The following RPTN variants were observed in gnomAD, a reference collection of about 807,000 sequenced individuals.
RPTN encodes the protein repetin.
A neutral mutation model predicts 3.6 loss-of-function variants in RPTN; 4 were observed. That is an observed-to-expected ratio of 1.12 (90% CI 0.55 to 2.55). The LOEUF is 2.55. RPTN is among the 30% of genes most tolerant of loss of function. The pLI is 0.02. For synonymous variants in RPTN, 293 were observed against 319.3 expected (o/e 0.92, Z 0.88); for missense variants, 860 against 916.7 (o/e 0.94, Z 0.80).
At chr1:152,158,138 T>TA (rs1462409469) in intron 1 of RPTN, among the ~76,000 whole-genome samples, 5 of 152,024 alleles carry the variant, frequency 3.3e-5, no homozygotes, top group African/African-American at 7.2e-5. Flanking sequence ...GACAATTTCT[T>TA]AAAAAACAAA....
Position 152,156,408 on chromosome 1 carries a change from A to G in RPTN, c.691T>C (p.Cys231Arg). 1 of 1,614,230 alleles carries G rather than the reference A, an allele frequency of 6.2e-7. No homozygotes were observed. The highest frequency in any genetic ancestry group is 8.5e-7 in the Non-Finnish European group (1 of 1,180,046). ...WQGHIFALNR[C>R]EKPIQDSHYG... The stretch of plus-strand genomic sequence containing the variant: ...TGAGAATCCTGAATTGGTTTTTCAC[A>G]CCGATTTAAGGCAAAGATATGTCCC... Residue 231 changes from cysteine to arginine, a missense_variant, in exon 3 of 3, where the codon TGT (cysteine) becomes CGT (arginine). Physicochemically the swap from Cys to Arg is radical, Grantham distance 180. Coordinates refer to ENST00000316073, the MANE Select transcript of RPTN (RefSeq NM_001122965.1).
chr1:152,154,250 CA>C lies in RPTN; in HGVS notation c.*493del. ...ACCCTAGAATTGCTGCTCAAAGAAC[CA>C]AAAGCCCTTACGTGAATGCTAGTAC... On this transcript the variant is annotated 3_prime_UTR_variant, in exon 3 of 3. Coordinates refer to ENST00000316073, the MANE Select transcript of RPTN (RefSeq NM_001122965.1). 6.2e-6 allele frequency: 1 copy of C among 160,706 alleles called. No homozygotes were observed. The highest frequency in any genetic ancestry group is 1.9e-4 in the East Asian group (1 of 5,378). The allele number at this position is 160,706 out of a possible 1,614,324, so 10.0% of individuals were successfully genotyped here.
Position 152,154,616 on chromosome 1 carries a change from T to C in RPTN, c.*128A>G, listed in dbSNP as rs1659153328. 1 of 1,319,302 alleles carries C rather than the reference T, an allele frequency of 7.6e-7. No individual in the cohort carries two copies. Among genetic ancestry groups the C allele is most frequent in the Admixed American group, 2.2e-5 (1 of 46,208 alleles). 81.7% of individuals were successfully genotyped at this position (1,319,302 alleles called of 1,614,324 possible). A position where few individuals can be genotyped will look rare whatever the true frequency, so the allele number is the denominator to read the frequency against. On this transcript the variant is annotated 3_prime_UTR_variant, in exon 3 of 3. Transcript: ENST00000316073. Reference sequence around the variant, plus strand: ...CTCTTTCATGTGGAATTTTTCTCTGTTAGGACAGCTTCTGTGGGTCACTTG... The same window carrying C: ...CTCTTTCATGTGGAATTTTTCTCTGCTAGGACAGCTTCTGTGGGTCACTTG...
Position 152,156,170 on chromosome 1 carries a change from G to T in RPTN, c.929C>A (p.Thr310Lys), listed in dbSNP as rs370785214. 1 of 1,613,960 alleles carries T rather than the reference G, an allele frequency of 6.2e-7. No individual in the cohort carries two copies. The highest frequency in any genetic ancestry group is 8.5e-7 in the Non-Finnish European group (1 of 1,179,944). The change falls in exon 3 of 3, where the codon ACA becomes AAA. Residue 310 changes from threonine (T) to lysine (K), a missense_variant. Transcript: ENST00000316073. ...GTGGGAACTCTGGCCTTGTCTGTCT[G>T]TCTGACCATAATGATAACTCTGGTC... ...RQDQSYHYGQ[T>K]DRQGQSSHYS...
Position 152,154,596 on chromosome 1 carries a change from T to G in RPTN, c.*148A>C. ...GAGCCTTGGCTCTGGTCATCCTCTT[T>G]CATGTGGAATTTTTCTCTGTTAGGA... is the stretch of plus-strand genomic sequence containing the variant. On this transcript the variant is annotated 3_prime_UTR_variant, in exon 3 of 3. Coordinates refer to ENST00000316073, the MANE Select transcript of RPTN (RefSeq NM_001122965.1). 2 of 1,113,984 alleles carry G rather than the reference T, an allele frequency of 1.8e-6. No homozygotes were observed. Among genetic ancestry groups the G allele is most frequent in the South Asian group, 1.5e-5 (1 of 64,656 alleles). 69.0% of individuals were successfully genotyped at this position (1,113,984 alleles called of 1,614,324 possible). A position where few individuals can be genotyped will look rare whatever the true frequency, so the allele number is the denominator to read the frequency against.
chr1:152,155,552 C>T lies in RPTN; in HGVS notation c.1547G>A (p.Arg516Lys), dbSNP rs1400845173. Reference protein sequence around the residue: ...GQSSHYGQTDRQGQSFHYGQP... With the variant: ...GQSSHYGQTDKQGQSFHYGQP... Reference sequence around the variant, plus strand: ...ACCATAGTGGAAACTCTGGCCTTGTCTGTCTGTCTGACCATAGTGGGAACT... The same window carrying T: ...ACCATAGTGGAAACTCTGGCCTTGTTTGTCTGTCTGACCATAGTGGGAACT... Residue 516 changes from arginine (R) to lysine (K), a missense_variant, in exon 3 of 3, where the codon AGA becomes AAA. Arg to Lys is a conservative substitution (Grantham distance 26). Transcript: ENST00000316073. 6.2e-7 allele frequency: 1 copy of T among 1,609,032 alleles called. No homozygotes were observed. Among genetic ancestry groups the T allele is most frequent in the East Asian group, 2.2e-5 (1 of 44,744 alleles).
At position 152,156,538 on chromosome 1, in the gene RPTN, T is replaced by C; in HGVS notation, c.561A>G (p.Arg187=). The stretch of plus-strand genomic sequence containing the variant: ...GATCAAAGCTGAAATCCTTGTCTTG[T>C]CTCTCAGACTGATTGTGGTGAGAAT... ...DRDSHHNQSE[R]QDKDFSFDQS... is the part of the protein sequence containing the mutation. Residue 187 remains arginine, a synonymous_variant, in exon 3 of 3, where the codon AGA becomes AGG. Transcript: ENST00000316073. 1 of 1,614,222 alleles carries C rather than the reference T, an allele frequency of 6.2e-7. No individual in the cohort carries two copies. The highest frequency in any genetic ancestry group is 1.6e-4 in the Middle Eastern group (1 of 6,062).
In RPTN at chr1:152,154,751, T is replaced by A. The variant is rs1659155519; in HGVS notation, c.2348A>T (p.Gln783Leu). 1.2e-6 allele frequency: 2 copies of A among 1,614,094 alleles called. No homozygotes were observed. ...RQTHEDEQNHQR is the reference protein window; with the variant it reads ...RQTHEDEQNHLR ...TTCATGAGTTTGCCTGTCTCATCTC[T>A]GATGGTTCTGCTCGTCTTCATGGGT... Residue 783 changes from glutamine (Q) to leucine (L), a missense_variant, in exon 3 of 3, where the codon CAG (glutamine) becomes CTG (leucine). Gln to Leu is a moderately radical substitution (Grantham distance 113). Transcript: ENST00000316073.
chr1:152,157,631 C>A, intron 2 of RPTN, 121 bp downstream of exon 2: 129 of 686,388 alleles, frequency 1.9e-4, no homozygotes, highest in East Asian at 5.9e-4. Context: ...TAAGGAGCTG[C>A]CTGAAATTCC....
Position 152,155,854 on chromosome 1 carries a change from G to C in RPTN, c.1245C>G (p.Tyr415Ter). Residue 415 changes from tyrosine to a stop codon, truncating the protein, a stop_gained, in exon 3 of 3, where the codon TAC becomes TAG. Coordinates refer to ENST00000316073, the MANE Select transcript of RPTN (RefSeq NM_001122965.1). LOFTEE classifies it low-confidence loss of function (END_TRUNC). ...CCTGGCCTTGTCGGTCCATCTGACT[G>C]TAGTGGGAACTCTGGCCTTGTCTCT... ...QTERQGQSSH[Y>*]SQMDRQGQGS... 6.2e-7 allele frequency: 1 copy of C among 1,603,758 alleles called. No individual in the cohort carries two copies. The highest frequency in any genetic ancestry group is 1.1e-5 in the South Asian group (1 of 90,246).
Position 152,156,002 on chromosome 1 carries a change from TG to T in RPTN, c.1096del (p.His366ThrfsTer125). 6.2e-7 allele frequency: 1 copy of T among 1,613,790 alleles called. No homozygotes were observed. The highest frequency in any genetic ancestry group is 8.5e-7 in the Non-Finnish European group (1 of 1,180,036). ...ACCTTGTCTGTTTGGTTGACTGTAG[TG>T]GGAACCCTGGCCTTGTCTGTTTGTC... ...DQTNRQGQGS[H>X]YSQPNRQGQS... On this transcript the variant is annotated frameshift_variant, in exon 3 of 3. Coordinates refer to ENST00000316073, the MANE Select transcript of RPTN (RefSeq NM_001122965.1). LOFTEE classifies it low-confidence loss of function (END_TRUNC).
At position 152,155,583 on chromosome 1, in the gene RPTN, C is replaced by T. The variant is rs1437027595; in HGVS notation, c.1516G>A (p.Gly506Ser). 1.2e-5 allele frequency: 19 copies of T among 1,604,098 alleles called. No individual in the cohort carries two copies. The highest frequency in any genetic ancestry group is 2.7e-5 in the African/African-American group (2 of 74,368). Residue 506 changes from glycine to serine, a missense_variant, in exon 3 of 3, where the codon GGC (glycine) becomes AGC (serine). Physicochemically the swap from Gly to Ser is moderately conservative, Grantham distance 56 (BLOSUM62 0). Transcript: ENST00000316073. ...GTCTGACCATAGTGGGAACTTTGGC[C>T]TTGTCCGTCTGGCTGACCATAATGA... Reference protein sequence around the residue: ...SYHYGQPDGQGQSSHYGQTDR... With the variant: ...SYHYGQPDGQSQSSHYGQTDR...
intron 1 of RPTN, among the ~76,000 whole-genome samples, chr1:152,158,691 C>T (rs954114751): frequency 1.3e-5 from 2 of 152,016 alleles, no homozygotes; most frequent in South Asian, 2.1e-4. Flanking sequence ...TTATAGGCCT[C>T]CAAACTGAAG....
At chr1:152,158,505 A>G (rs865984175) in intron 1 of RPTN, among the ~76,000 whole-genome samples, 1 of 152,236 alleles carries the variant, frequency 6.6e-6, no homozygotes, top group African/African-American at 2.4e-5. Flanking sequence ...TGAATATAAA[A>G]GCTGTTACAG....
At chr1:152,157,705 A>G (rs1284549294) in intron 2 of RPTN, 47 bp downstream of exon 2, 2 of 1,603,460 alleles carry the variant, frequency 1.2e-6, no homozygotes, top group Non-Finnish European at 1.7e-6. Context: ...CAGGTGTCAG[A>G]GTCATTCACA....
At position 152,156,067 on chromosome 1, in the gene RPTN, A is replaced by G; in HGVS notation, c.1032T>C (p.Gly344=). 6.2e-7 allele frequency: 1 copy of G among 1,611,758 alleles called. No homozygotes were observed. Among genetic ancestry groups the G allele is most frequent in the Non-Finnish European group, 8.5e-7 (1 of 1,179,718 alleles). The change falls in exon 3 of 3, where the codon GGT becomes GGC. Residue 344 remains glycine, a synonymous_variant. Coordinates refer to ENST00000316073, the MANE Select transcript of RPTN (RefSeq NM_001122965.1). ...PDRQGQSSHY[G]QMDRKGQCYH... ...AACACTGGCCTTTTCTGTCCATTTGACCATAGTGGGAACTCTGACCTTGTC... is the reference window on the plus strand; with the variant it reads ...AACACTGGCCTTTTCTGTCCATTTGGCCATAGTGGGAACTCTGACCTTGTC...
In RPTN at chr1:152,156,531, T is replaced by G. The variant is rs764814727; in HGVS notation, c.568A>C (p.Lys190Gln). ...TCTGACTGATCAAAGCTGAAATCCT[T>G]GTCTTGTCTCTCAGACTGATTGTGG... is the stretch of plus-strand genomic sequence containing the variant. ...SHHNQSERQD[K>Q]DFSFDQSERQ... Residue 190 changes from lysine (K) to glutamine (Q), a missense_variant, in exon 3 of 3, where the codon AAG becomes CAG. Coordinates refer to ENST00000316073, the MANE Select transcript of RPTN (RefSeq NM_001122965.1). 6.8e-6 allele frequency: 11 copies of G among 1,614,216 alleles called. No homozygotes were observed. The East Asian group carries it at 2.5e-4, about 36-fold the overall frequency.
In RPTN at chr1:152,154,432, G is replaced by A; in HGVS notation, c.*312C>T. On this transcript the variant is annotated 3_prime_UTR_variant, in exon 3 of 3. Transcript: ENST00000316073. ...GTGCTCACATAGCCTAGTATGGGTA[G>A]GATTTCTGCTCTTGCACATAGTCAT... 1 of 450,550 alleles carries A rather than the reference G, an allele frequency of 2.2e-6. No individual in the cohort carries two copies. Among genetic ancestry groups the A allele is most frequent in the East Asian group, 3.9e-5 (1 of 25,430 alleles). The allele number at this position is 450,550 out of a possible 1,614,324, so 27.9% of individuals were successfully genotyped here. A position where few individuals can be genotyped will look rare whatever the true frequency, so the allele number is the denominator to read the frequency against.
Position 152,154,498 on chromosome 1 carries a change from A to T in RPTN, c.*246T>A. 1.7e-6 allele frequency: 1 copy of T among 600,522 alleles called. No homozygotes were observed. The highest frequency in any genetic ancestry group is 2.2e-5 in the South Asian group (1 of 46,462). The allele number at this position is 600,522 out of a possible 1,614,324, so 37.2% of individuals were successfully genotyped here. ...CAGTAGCTCCCTTGGCAGGGTGACC[A>T]CGCTGTTCTCTGGTTTGGGGCCTCC... On this transcript the variant is annotated 3_prime_UTR_variant, in exon 3 of 3. Transcript: ENST00000316073.
Sources: allele counts gnomAD v4.1 joint callset (sites outside exome capture counted in the v4.1 genomes callset), GRCh38; gene constraint gnomAD v4.1.1; transcripts MANE v1.5; gene names NCBI Gene and HGNC (gene_info 2026-07-23, HGNC 2026-07-21).